Variants in GYPC observed in about 807,000 individuals in gnomAD.
The protein encoded by GYPC is glycophorin-C.
In GYPC, 14 loss-of-function variants were observed where a neutral mutation model predicts 12.6. The ratio of observed to expected loss-of-function variants is 1.11; its 90% CI spans 0.74 to 1.74. The LOEUF is 1.74. Among genes scored for constraint, GYPC ranks in the 40% most tolerant of loss-of-function variants. The probability of loss-of-function intolerance (pLI) is 0.00; values close to 1 mark genes in which losing one functional copy is unlikely to be tolerated. For missense variants in GYPC, 225 were observed against 172.1 expected (o/e 1.31, Z -1.72); for synonymous variants, 78 against 62.1 (o/e 1.26, Z -1.20).
intron 1 of GYPC, among the ~76,000 whole-genome samples, chr2:126,661,861 C>T (rs770909586): frequency 6.6e-5 from 10 of 152,168 alleles, no homozygotes; most frequent in South Asian, 6.2e-4. Context: ...GAGGAAGCTC[C>T]GCTTCGGGGC....
At chr2:126,691,073 A>G (rs566653596) in intron 2 of GYPC, among the ~76,000 whole-genome samples, 5 of 151,938 alleles carry the variant, frequency 3.3e-5, no homozygotes, top group African/African-American at 1.2e-4. Flanking sequence ...TATTAACATT[A>G]TGCAGATACA....
intron 1 of GYPC, chr2:126,685,961 G>A (rs991906832): frequency 8.1e-6 from 8 of 985,114 alleles, no homozygotes; most frequent in Non-Finnish European, 8.4e-6. Context: ...CCTCCTTCGA[G>A]CCCTCACCCT....
chr2:126,677,306 AGT>A (rs1242505824), intron 1 of GYPC, among the ~76,000 whole-genome samples: 13 of 149,310 alleles, frequency 8.7e-5, no homozygotes, highest in South Asian at 2.1e-4. Context: ...AGAGTGTGTG[AGT>A]GTGTGTGAGA....
intron 1 of GYPC, among the ~76,000 whole-genome samples, chr2:126,663,667 G>C (rs1052029903): frequency 1.3e-5 from 2 of 152,146 alleles, no homozygotes; most frequent in South Asian, 2.1e-4. Flanking sequence ...GGCAAACAAG[G>C]TCTGCAAAGA....
At chr2:126,665,746 G>A (rs984779273) in intron 1 of GYPC, among the ~76,000 whole-genome samples, 7 of 152,216 alleles carry the variant, frequency 4.6e-5, no homozygotes, top group African/African-American at 1.4e-4. Flanking sequence ...GCCCTGCTCC[G>A]CACCTAGTGA....
chr2:126,681,803 G>GAAAGA (rs1553468758), intron 1 of GYPC, among the ~76,000 whole-genome samples: 7 of 149,728 alleles, frequency 4.7e-5, no homozygotes, highest in African/African-American at 9.8e-5. Flanking sequence ...AAGAAAGAAA[G>GAAAGA]AAAGAAAAGA....
At position 126,693,917 on chromosome 2, in the gene GYPC, C is replaced by G; in HGVS notation, c.160C>G (p.Pro54Ala). 1 of 1,612,100 alleles carries G rather than the reference C, an allele frequency of 6.2e-7. No individual in the cohort carries two copies. The highest frequency in any genetic ancestry group is 8.5e-7 in the Non-Finnish European group (1 of 1,178,148). ...GGATGGCAGAATGGAGACCTCCACC[C>G]CCACCATAATGGACATTGTCGTCAT... ...WPDGRMETST[P>A]TIMDIVVIAG... is the part of the protein sequence containing the mutation. The change falls in exon 3 of 4, where the codon CCC (proline) becomes GCC (alanine). Residue 54 changes from proline to alanine, a missense_variant. Coordinates refer to ENST00000259254, the MANE Select transcript of GYPC (RefSeq NM_002101.5).
At chr2:126,666,155 G>A (rs1682671499) in intron 1 of GYPC, among the ~76,000 whole-genome samples, 2 of 152,214 alleles carry the variant, frequency 1.3e-5, no homozygotes, top group Non-Finnish European at 2.9e-5. Context: ...TGGTACACAA[G>A]GGCTGGGTTG....
intron 1 of GYPC, among the ~76,000 whole-genome samples, chr2:126,670,945 T>TGGGGGCC (rs1682836184): frequency 6.6e-6 from 1 of 152,120 alleles, no homozygotes; most frequent in African/African-American, 2.4e-5. Context: ...CCTAAACTAT[T>TGGGGGCC]TACTGTCCAG....
chr2:126,666,530 C>T (rs896826793), intron 1 of GYPC, among the ~76,000 whole-genome samples: 2 of 152,150 alleles, frequency 1.3e-5, no homozygotes, highest in Non-Finnish European at 2.9e-5. Context: ...AACCAGGTTG[C>T]AATAGAGGAG....
intron 1 of GYPC, among the ~76,000 whole-genome samples, chr2:126,667,871 C>T (rs1682731243): frequency 6.6e-6 from 1 of 152,144 alleles, no homozygotes; most frequent in African/African-American, 2.4e-5. Flanking sequence ...CCAGGGAGTC[C>T]CTACTGCATG....
intron 1 of GYPC, among the ~76,000 whole-genome samples, chr2:126,679,446 C>T (rs1448136192): frequency 6.6e-6 from 1 of 151,836 alleles, no homozygotes; most frequent in Non-Finnish European, 1.5e-5. Context: ...ATCTGAGAGG[C>T]AGGTGTGTAG....
chr2:126,665,664 G>T (rs1210259675), intron 1 of GYPC, among the ~76,000 whole-genome samples: 1 of 152,200 alleles, frequency 6.6e-6, no homozygotes, highest in Non-Finnish European at 1.5e-5. Flanking sequence ...GGATGCCGAC[G>T]CAGGGCAAAG....
At chr2:126,682,937 A>G (rs544890129) in intron 1 of GYPC, among the ~76,000 whole-genome samples, 18 of 152,240 alleles carry the variant, frequency 1.2e-4, no homozygotes, top group Non-Finnish European at 2.2e-4. Flanking sequence ...TGATTTCCCT[A>G]GAAATCTTCC....
chr2:126,678,750 G>T (rs1443180653), intron 1 of GYPC: 1 of 152,286 alleles, frequency 6.6e-6, no homozygotes, highest in Non-Finnish European at 1.5e-5. Flanking sequence ...ATCTCCTGGG[G>T]AAGCACGGCT....
At chr2:126,682,767 G>A (rs2104795784) in intron 1 of GYPC, among the ~76,000 whole-genome samples, 1 of 152,302 alleles carries the variant, frequency 6.6e-6, no homozygotes, top group East Asian at 1.9e-4. Context: ...TCTGGGCGTT[G>A]TCTTAAGCCT....
intron 1 of GYPC, among the ~76,000 whole-genome samples, chr2:126,670,333 C>T (rs1682812943): frequency 1.3e-5 from 2 of 152,216 alleles, no homozygotes; most frequent in African/African-American, 4.8e-5. Context: ...TCTCACTGTG[C>T]AGCGCCTCTC....
chr2:126,677,778 C>A (rs1683048039), intron 1 of GYPC, among the ~76,000 whole-genome samples: 1 of 152,168 alleles, frequency 6.6e-6, no homozygotes, highest in Non-Finnish European at 1.5e-5. Flanking sequence ...ACTGTCAAAT[C>A]TCTCTGGCAC....
chr2:126,658,095 C>T (rs1682422419), intron 1 of GYPC: 1 of 152,278 alleles, frequency 6.6e-6, no homozygotes, highest in Admixed American at 6.5e-5. Context: ...AATCCATTGC[C>T]TTGCCCTTGG....
Sources: gnomAD v4.1 joint callset for allele counts (sites outside exome capture counted in the v4.1 genomes callset) on GRCh38, gnomAD v4.1.1 for gene constraint, MANE v1.5 for transcripts, NCBI Gene and HGNC (gene_info 2026-07-23, HGNC 2026-07-21) for gene names.